The following GPC6 variants were observed in gnomAD, a reference collection of about 807,000 sequenced individuals.
GPC6 encodes glypican-6.
In GPC6, 14 loss-of-function variants were observed where a neutral mutation model predicts 55.2. The ratio of observed to expected loss-of-function variants is 0.25; its 90% confidence interval spans 0.17 to 0.40. The LOEUF (loss-of-function observed/expected upper bound fraction) is 0.40. GPC6 is among the 10% of genes least tolerant of loss of function. The probability of loss-of-function intolerance (pLI) is 1.00; values close to 1 mark genes in which losing one functional copy is unlikely to be tolerated. For synonymous variants in GPC6, 278 were observed against 259.6 expected (o/e 1.07, Z -0.68); for missense variants, 641 against 708.5 (o/e 0.90, Z 1.08).
At chr13:94,014,624 A>G (rs987515897) in intron 3 of GPC6, among the ~76,000 whole-genome samples, 1 of 152,136 alleles carries the variant, frequency 6.6e-6, no homozygotes, top group Non-Finnish European at 1.5e-5. Context: ...ATTATGGAAC[A>G]TTTTTGTCAC....
At chr13:93,787,315 G>A (rs1299492691) in intron 2 of GPC6, among the ~76,000 whole-genome samples, 2 of 152,156 alleles carry the variant, frequency 1.3e-5, no homozygotes, top group Non-Finnish European at 2.9e-5. Flanking sequence ...TGGGACCATA[G>A]GGTCTCTGTT....
At chr13:93,746,927 T>C (rs1884418178) in intron 2 of GPC6, among the ~76,000 whole-genome samples, 1 of 152,216 alleles carries the variant, frequency 6.6e-6, no homozygotes, top group South Asian at 2.1e-4. Flanking sequence ...CTTACGGCAA[T>C]TCATGAACAG....
chr13:94,302,271 GT>G (rs1253625684), intron 5 of GPC6, among the ~76,000 whole-genome samples: 1 of 152,162 alleles, frequency 6.6e-6, no homozygotes, highest in African/African-American at 2.4e-5. Flanking sequence ...TTGATGTCTG[GT>G]GAGGACCTGC....
Position 93,982,324 on chromosome 13 carries a change from A to G in GPC6, c.712-45405A>G, listed in dbSNP as rs187988018. Reference sequence around the variant, plus strand: ...CAGAAAAGAGAAGACAAAAAGACATAAGCAATCCTAATACAATGTGATTAG... The same window carrying G: ...CAGAAAAGAGAAGACAAAAAGACATGAGCAATCCTAATACAATGTGATTAG... On this transcript the variant is annotated intron_variant, in intron 3 of 8. Transcript: ENST00000377047. Among the ~76,000 whole-genome samples the G allele has an allele frequency of 2.9e-3, 436 of 149,430 alleles. 7 individuals carry two copies. The highest frequency in any genetic ancestry group is 5.5e-3 in the Non-Finnish European group (371 of 67,944).
At chr13:93,418,251 C>T (rs1876777266) in intron 1 of GPC6, among the ~76,000 whole-genome samples, 1 of 151,532 alleles carries the variant, frequency 6.6e-6, no homozygotes, top group African/African-American at 2.4e-5. Flanking sequence ...GAATAAATAA[C>T]CCCTCAAGCA....
At chr13:94,195,064 A>G (rs1443946791) in intron 4 of GPC6, among the ~76,000 whole-genome samples, 1 of 152,182 alleles carries the variant, frequency 6.6e-6, no homozygotes, top group East Asian at 1.9e-4. Flanking sequence ...TTTCAAAATA[A>G]GAAGCCTGTT....
At chr13:94,061,037 A>T (rs918017651) in intron 4 of GPC6, among the ~76,000 whole-genome samples, 6 of 152,204 alleles carry the variant, frequency 3.9e-5, no homozygotes, top group African/African-American at 1.2e-4. Flanking sequence ...ATTCAGCATT[A>T]TTATCTTTTT....
intron 2 of GPC6, among the ~76,000 whole-genome samples, chr13:93,738,017 A>G (rs1036947579): frequency 2.6e-5 from 4 of 152,314 alleles, no homozygotes; most frequent in South Asian, 4.1e-4. Flanking sequence ...AACTTGTGCC[A>G]GATTACCAAC....
intron 4 of GPC6, among the ~76,000 whole-genome samples, chr13:94,209,782 C>T (rs1230274145): frequency 6.6e-6 from 1 of 151,886 alleles, no homozygotes; most frequent in Non-Finnish European, 1.5e-5. Context: ...CTGTGTGTGA[C>T]CTTAAATGAG....
chr13:94,403,276 C>G lies in GPC6; in HGVS notation c.*59C>G. The G allele has an allele frequency of 5.9e-6, 7 of 1,183,024 alleles. No homozygotes were observed. The highest frequency in any genetic ancestry group is 8.7e-6 in the Non-Finnish European group (7 of 800,526). The allele number at this position is 1,183,024 out of a possible 1,614,324, so 73.3% of individuals were successfully genotyped here. A position where few individuals can be genotyped will look rare whatever the true frequency, so the allele number is the denominator to read the frequency against. ...AGCTATCTGAATGGCCAACTCACTT[C>G]TTTTCTTACACTCTTGGACAATGGA... On this transcript the variant is annotated 3_prime_UTR_variant, in exon 9 of 9. Transcript: ENST00000377047.
At chr13:93,861,196 A>G (rs9516302) in intron 3 of GPC6, among the ~76,000 whole-genome samples, 57,134 of 150,958 alleles carry the variant, frequency 0.38, 11,628 homozygotes, top group African/African-American at 0.53. Flanking sequence ...TGAGAAGATG[A>G]GAACATTTTC....
At chr13:93,872,755 AC>A (rs1404331595) in intron 3 of GPC6, among the ~76,000 whole-genome samples, 1 of 151,896 alleles carries the variant, frequency 6.6e-6, no homozygotes, top group Non-Finnish European at 1.5e-5. Flanking sequence ...ATGCAACATA[AC>A]CTATTAACAG....
chr13:93,864,191 T>C (rs755009348), intron 3 of GPC6, among the ~76,000 whole-genome samples: 1 of 151,714 alleles, frequency 6.6e-6, no homozygotes. Context: ...AATTAATATT[T>C]GAATACTTCA....
chr13:94,380,740 A>G (rs187922786), intron 6 of GPC6, among the ~76,000 whole-genome samples: 1 of 152,320 alleles, frequency 6.6e-6, no homozygotes, highest in East Asian at 1.9e-4. Flanking sequence ...ATTATCTAAT[A>G]GAGAGCCAGC....
intron 3 of GPC6, among the ~76,000 whole-genome samples, chr13:93,984,886 T>A (rs1314788731): frequency 2.6e-5 from 4 of 152,182 alleles, no homozygotes; most frequent in Non-Finnish European, 4.4e-5. Flanking sequence ...TGAATTCATT[T>A]GAATAATTAT....
intron 1 of GPC6, among the ~76,000 whole-genome samples, chr13:93,314,714 T>G (rs1354613199): frequency 4.1e-4 from 10 of 24,496 alleles, no homozygotes; most frequent in Admixed American, 2.0e-3. Context: ...CAAGGAGGGG[T>G]GTGTGTGTGT....
At chr13:93,524,700 A>G (rs1222670680) in intron 1 of GPC6, among the ~76,000 whole-genome samples, 2 of 152,116 alleles carry the variant, frequency 1.3e-5, no homozygotes, top group Non-Finnish European at 2.9e-5. Flanking sequence ...ATTCATCGTT[A>G]TGTTTGAAGC....
At chr13:93,819,055 T>G (rs544841440) in intron 2 of GPC6, among the ~76,000 whole-genome samples, 1 of 152,252 alleles carries the variant, frequency 6.6e-6, no homozygotes, top group African/African-American at 2.4e-5. Flanking sequence ...AGAAAATGAA[T>G]GCAGCCTGGG....
chr13:94,048,633 A>C (rs528772427), intron 4 of GPC6, among the ~76,000 whole-genome samples: 1 of 152,026 alleles, frequency 6.6e-6, no homozygotes, highest in East Asian at 1.9e-4. Context: ...GAAGAGACAG[A>C]AATCCTACAT....
Sources: gnomAD v4.1 joint callset for allele counts (sites outside exome capture counted in the v4.1 genomes callset) on GRCh38, gnomAD v4.1.1 for gene constraint, MANE v1.5 for transcripts, NCBI Gene and HGNC (gene_info 2026-07-23, HGNC 2026-07-21) for gene names.